The following ZNF366 variants were observed in gnomAD, a reference collection of about 807,000 sequenced individuals.
ZNF366 encodes zinc finger protein 366.
ZNF366 carries 20 observed loss-of-function variants against 47.2 expected under a neutral mutation model. That is an observed-to-expected ratio of 0.42 (90% CI 0.30 to 0.62). ZNF366 has a LOEUF of 0.62. Among genes scored for constraint, ZNF366 ranks in the 20% least tolerant of loss-of-function variants. ZNF366 has a pLI of 0.16. For missense variants in ZNF366, 987 were observed against 976.3 expected (o/e 1.01, Z -0.15); for synonymous variants, 421 against 395.1 (o/e 1.07, Z -0.78).
intron 1 of ZNF366, among the ~76,000 whole-genome samples, chr5:72,464,423 T>C (rs991438525): frequency 2.5e-4 from 38 of 152,328 alleles, no homozygotes; most frequent in African/African-American, 8.9e-4. Flanking sequence ...ATCAACTAAT[T>C]GTTTCCTTTT....
At chr5:72,458,384 C>T (rs1246893481) in intron 2 of ZNF366, among the ~76,000 whole-genome samples, 4 of 152,184 alleles carry the variant, frequency 2.6e-5, no homozygotes, top group East Asian at 1.9e-4. Flanking sequence ...ACCAAGGAGA[C>T]GTTTCTGCTT....
At chr5:72,474,667 CACACACACAG>C (rs1743637370) in intron 1 of ZNF366, among the ~76,000 whole-genome samples, 1 of 152,068 alleles carries the variant, frequency 6.6e-6, no homozygotes, top group Non-Finnish European at 1.5e-5. Flanking sequence ...CACACACACA[CACACACACAG>C]ACACACACAC....
intron 1 of ZNF366, among the ~76,000 whole-genome samples, chr5:72,491,221 T>C (rs1744001945): frequency 1.3e-5 from 2 of 152,236 alleles, no homozygotes; most frequent in African/African-American, 4.8e-5. Flanking sequence ...AAAAGGGGTG[T>C]ACGTGGCCAA....
At position 72,447,214 on chromosome 5, in the gene ZNF366, C is replaced by T. The variant is rs1254628728; in HGVS notation, c.1699+29G>A. 2.5e-6 allele frequency: 4 copies of T among 1,611,978 alleles called. No homozygotes were observed. The African/African-American group carries it at 5.3e-5, about 22-fold the overall frequency. On this transcript the variant is annotated intron_variant, in intron 4 of 4. Coordinates refer to ENST00000318442, the MANE Select transcript of ZNF366 (RefSeq NM_152625.3). Reference sequence around the variant, plus strand: ...TCCCATTTGTTGTCCACTGGACTGACTTGCAGGGCTTCCCAGAAGAGTGAT... The same window carrying T: ...TCCCATTTGTTGTCCACTGGACTGATTTGCAGGGCTTCCCAGAAGAGTGAT...
intron 4 of ZNF366, 152 bp from the exon 5 acceptor site, chr5:72,444,443 G>T: frequency 1.1e-6 from 1 of 901,246 alleles, no homozygotes; most frequent in Non-Finnish European, 1.6e-6. Context: ...TGGGAGGCTT[G>T]TAACAGACAG....
At chr5:72,478,992 C>T (rs1407802209) in intron 1 of ZNF366, among the ~76,000 whole-genome samples, 5 of 152,212 alleles carry the variant, frequency 3.3e-5, no homozygotes, top group Admixed American at 6.6e-5. Flanking sequence ...CCCTGTTTTC[C>T]TCCAAGAGAT....
intron 1 of ZNF366, among the ~76,000 whole-genome samples, chr5:72,463,534 T>C (rs1336948629): frequency 6.6e-6 from 1 of 152,228 alleles, no homozygotes; most frequent in East Asian, 1.9e-4. Context: ...AGCCTGTGTC[T>C]TAGCTTTGCT....
At chr5:72,480,035 G>A (rs973781950) in intron 1 of ZNF366, among the ~76,000 whole-genome samples, 21 of 152,182 alleles carry the variant, frequency 1.4e-4, no homozygotes, top group Admixed American at 2.6e-4. Context: ...TGGCATACAC[G>A]GTCCAAGGCT....
intron 1 of ZNF366, among the ~76,000 whole-genome samples, chr5:72,506,798 C>A (rs564735606): frequency 2.0e-5 from 3 of 152,122 alleles, no homozygotes; most frequent in Admixed American, 2.0e-4. Flanking sequence ...TAGGGGGATG[C>A]TGAATGGAAA....
At chr5:72,472,935 C>T (rs1378570874) in intron 1 of ZNF366, among the ~76,000 whole-genome samples, 1 of 152,196 alleles carries the variant, frequency 6.6e-6, no homozygotes, top group Admixed American at 6.5e-5. Context: ...CCCCCTTCCT[C>T]TCAACTCCCA....
chr5:72,464,782 T>C (rs112862640), intron 1 of ZNF366, among the ~76,000 whole-genome samples: 4,840 of 152,200 alleles, frequency 0.032, 252 homozygotes, highest in African/African-American at 0.11. Flanking sequence ...GGATCTCGGC[T>C]GGGCGCAATG....
At chr5:72,462,547 C>CTTTCTTTTTTTCT (rs11275151) in intron 1 of ZNF366, among the ~76,000 whole-genome samples, 3 of 78,916 alleles carry the variant, frequency 3.8e-5, no homozygotes, top group African/African-American at 1.8e-4. Flanking sequence ...TTCTTTCTTT[C>CTTTCTTTTTTTCT]TTTTTTTTTT....
chr5:72,444,988 T>G (rs1320436292), intron 4 of ZNF366, among the ~76,000 whole-genome samples: 3 of 152,360 alleles, frequency 2.0e-5, no homozygotes, highest in Admixed American at 2.0e-4. Context: ...AAAGCCATTT[T>G]CATCTTGAAC....
At chr5:72,498,890 A>C (rs1238212908) in intron 1 of ZNF366, among the ~76,000 whole-genome samples, 2 of 152,206 alleles carry the variant, frequency 1.3e-5, no homozygotes, top group Admixed American at 6.5e-5. Context: ...TTATGTCCTA[A>C]TCCTTCTGAA....
rs189858058 is a variant in ZNF366, at chr5:72,442,448, C to T, written c.*1308G>A. 4 of 152,018 alleles carry T rather than the reference C, an allele frequency of 2.6e-5. No individual in the cohort carries two copies. The highest frequency in any genetic ancestry group is 6.6e-5 in the Admixed American group (1 of 15,260). The allele number at this position is 152,018 out of a possible 1,614,324, so 9.4% of individuals were successfully genotyped here. ...GGTTTGGTGGTTTTTTTTTAAAGGT[C>T]ACCCCAGATGCTTCTAATGTACAGC... On this transcript the variant is annotated 3_prime_UTR_variant, in exon 5 of 5. Transcript: ENST00000318442.
At chr5:72,444,997 A>G (rs1392117614) in intron 4 of ZNF366, among the ~76,000 whole-genome samples, 1 of 152,242 alleles carries the variant, frequency 6.6e-6, no homozygotes, top group Non-Finnish European at 1.5e-5. Flanking sequence ...TTCATCTTGA[A>G]CAAAACAAAG....
At chr5:72,482,746 T>TTGGG (rs1743814268) in intron 1 of ZNF366, among the ~76,000 whole-genome samples, 5 of 140,970 alleles carry the variant, frequency 3.5e-5, no homozygotes. Context: ...CATTTCTATT[T>TTGGG]TGTGTGTGTG....
intron 3 of ZNF366, 23 bp from the exon 4 acceptor site, chr5:72,447,440 C>T: frequency 6.2e-7 from 1 of 1,613,344 alleles, no homozygotes; most frequent in Non-Finnish European, 8.5e-7. Context: ...GGGATGAGAA[C>T]ACAGGTTACT....
intron 1 of ZNF366, among the ~76,000 whole-genome samples, chr5:72,487,101 CA>C (rs1333447664): frequency 3.3e-5 from 5 of 152,212 alleles, no homozygotes; most frequent in African/African-American, 1.2e-4. Context: ...AAGTGATCAA[CA>C]ATTAGGTTCT....
Sources: gnomAD v4.1 joint callset for allele counts (sites outside exome capture counted in the v4.1 genomes callset) on GRCh38, gnomAD v4.1.1 for gene constraint, MANE v1.5 for transcripts, NCBI Gene and HGNC (gene_info 2026-07-23, HGNC 2026-07-21) for gene names.